Variants in AGBL1 observed in about 807,000 individuals in gnomAD.
The protein encoded by AGBL1 is cytosolic carboxypeptidase 4.
In AGBL1, 130 loss-of-function variants were observed where a neutral mutation model predicts 118.9. The observed-to-expected ratio is 1.09, with a 90% CI of 0.95 to 1.26. AGBL1 has a LOEUF of 1.26. Ranked by LOEUF, AGBL1 falls within the 50% of genes most tolerant of loss-of-function variation. AGBL1 has a pLI of 0.00. For synonymous variants in AGBL1, 555 were observed against 478.9 expected (o/e 1.16, Z -2.08); for missense variants, 1,584 against 1,298.1 (o/e 1.22, Z -3.38).
intron 21 of AGBL1, among the ~76,000 whole-genome samples, chr15:86,563,744 C>T (rs2083868258): frequency 2.6e-5 from 4 of 152,142 alleles, no homozygotes; most frequent in Admixed American, 2.0e-4. Context: ...TAAAGTCTCC[C>T]ATAATTATTA....
At chr15:86,237,692 A>G (rs1169566483) in intron 6 of AGBL1, among the ~76,000 whole-genome samples, 2 of 152,196 alleles carry the variant, frequency 1.3e-5, no homozygotes, top group African/African-American at 2.4e-5. Flanking sequence ...AAAAACTCCT[A>G]TACAAATTTC....
At chr15:86,995,006 C>T (rs899041722) in intron 24 of AGBL1, among the ~76,000 whole-genome samples, 1 of 152,002 alleles carries the variant, frequency 6.6e-6, no homozygotes, top group Non-Finnish European at 1.5e-5. Flanking sequence ...GTTTTTTTGG[C>T]CAGGCACTAT....
intron 17 of AGBL1, among the ~76,000 whole-genome samples, chr15:86,390,251 G>C (rs2081255943): frequency 6.6e-6 from 1 of 152,050 alleles, no homozygotes; most frequent in South Asian, 2.1e-4. Flanking sequence ...TAAAAATAAA[G>C]AATTGACAAC....
chr15:86,267,776 G>A (rs553058764), intron 13 of AGBL1, among the ~76,000 whole-genome samples: 3 of 152,288 alleles, frequency 2.0e-5, no homozygotes, highest in South Asian at 4.1e-4. Flanking sequence ...TAGCAGTGTG[G>A]ATATATTTCC....
At chr15:86,520,145 G>A (rs1258362498) in intron 18 of AGBL1, among the ~76,000 whole-genome samples, 1 of 152,138 alleles carries the variant, frequency 6.6e-6, no homozygotes, top group Admixed American at 6.5e-5. Context: ...TTAGGATGAG[G>A]TAAGGAACCA....
intron 1 of AGBL1, among the ~76,000 whole-genome samples, chr15:86,119,077 C>G (rs1173102063): frequency 3.9e-5 from 6 of 152,174 alleles, no homozygotes; most frequent in African/African-American, 1.4e-4. Flanking sequence ...GTGCTTGCTC[C>G]TTTCTCTAGA....
At chr15:86,853,292 G>C (rs1333861957) in intron 22 of AGBL1, among the ~76,000 whole-genome samples, 1 of 152,104 alleles carries the variant, frequency 6.6e-6, no homozygotes, top group Non-Finnish European at 1.5e-5. Context: ...AGTTTCACAC[G>C]TCTAATGCTC....
In AGBL1 at chr15:86,563,280, G is replaced by T. The variant is rs1421396831; in HGVS notation, c.2994+8743G>T. Among the ~76,000 whole-genome samples, 6 of 152,138 alleles carry T rather than the reference G, an allele frequency of 3.9e-5. 1 individual carries two copies. In the East Asian group the frequency reaches 5.8e-4, roughly 15 times the overall value. On this transcript the variant is annotated intron_variant, in intron 21 of 22. Transcript: ENST00000614907. Reference sequence around the variant, plus strand: ...TTTCCTGCTTTCTCTTGTGGGCATTGAGTGCTATAAATTTCCCTCTACACA... The same window carrying T: ...TTTCCTGCTTTCTCTTGTGGGCATTTAGTGCTATAAATTTCCCTCTACACA...
intron 23 of AGBL1, among the ~76,000 whole-genome samples, chr15:86,976,846 CTTTG>C (rs1490527631): frequency 6.6e-6 from 1 of 151,848 alleles, no homozygotes; most frequent in African/African-American, 2.4e-5. Context: ...TCAAAAACAA[CTTTG>C]TTTATGTCGT....
intron 21 of AGBL1, among the ~76,000 whole-genome samples, chr15:86,595,389 T>C (rs1236602762): frequency 6.6e-6 from 1 of 152,192 alleles, no homozygotes. Flanking sequence ...CTTAACCTTT[T>C]AAAAGTTCAG....
chr15:86,916,426 T>TTTG (rs1393527591), downstream of AGBL1, among the ~76,000 whole-genome samples: 2 of 152,052 alleles, frequency 1.3e-5, no homozygotes, highest in African/African-American at 4.8e-5. Context: ...TGTGTGTGTG[T>TTTG]TTGTGTGTGT....
intron 5 of AGBL1, among the ~76,000 whole-genome samples, chr15:86,165,075 G>T (rs1014040857): frequency 1.3e-5 from 2 of 152,152 alleles, no homozygotes; most frequent in Non-Finnish European, 2.9e-5. Context: ...GATTGTGGAG[G>T]TCGGAGTACC....
At chr15:86,788,611 G>A (rs1340574997) in intron 22 of AGBL1, among the ~76,000 whole-genome samples, 1 of 152,172 alleles carries the variant, frequency 6.6e-6, no homozygotes, top group Non-Finnish European at 1.5e-5. Context: ...GACGGTCATA[G>A]GCAATTAGTA....
intron 22 of AGBL1, among the ~76,000 whole-genome samples, chr15:86,904,492 AGT>A (rs1422517917): frequency 1.3e-5 from 2 of 150,386 alleles, no homozygotes; most frequent in Admixed American, 1.3e-4. Context: ...TGGGCAAATA[AGT>A]GAGAGATAAA....
chr15:86,378,563 G>A (rs1157708651), intron 17 of AGBL1, among the ~76,000 whole-genome samples: 3 of 152,164 alleles, frequency 2.0e-5, no homozygotes, highest in Non-Finnish European at 1.5e-5. Context: ...GCCATTCTGA[G>A]AGCTATGCTG....
At chr15:86,269,823 C>A in intron 13 of AGBL1, 96 bp from the exon 14 acceptor site, 1 of 1,396,142 alleles carries the variant, frequency 7.2e-7, no homozygotes, top group Non-Finnish European at 9.7e-7. Flanking sequence ...GGTCTTAGAT[C>A]TGTAACCCAG....
At chr15:86,460,754 G>A (rs992894246) in intron 18 of AGBL1, among the ~76,000 whole-genome samples, 4 of 152,172 alleles carry the variant, frequency 2.6e-5, no homozygotes, top group African/African-American at 9.7e-5. Context: ...TTCCTTAAAT[G>A]CTTGTCTCTG....
intron 22 of AGBL1, among the ~76,000 whole-genome samples, chr15:86,856,124 C>T (rs956973019): frequency 6.6e-5 from 10 of 152,220 alleles, no homozygotes; most frequent in African/African-American, 2.2e-4. Flanking sequence ...GGGTGGACAG[C>T]AGGCAGGCCG....
intron 22 of AGBL1, among the ~76,000 whole-genome samples, chr15:86,823,455 C>G (rs2078968284): frequency 6.6e-6 from 1 of 152,162 alleles, no homozygotes; most frequent in African/African-American, 2.4e-5. Flanking sequence ...CAAAATAATG[C>G]TTATACACTT....
Sources: allele counts gnomAD v4.1 joint callset (sites outside exome capture counted in the v4.1 genomes callset), GRCh38; gene constraint gnomAD v4.1.1; transcripts MANE v1.5; gene names NCBI Gene and HGNC (gene_info 2026-07-23, HGNC 2026-07-21).